PEX7: variants seen among roughly 807,000 people sequenced by gnomAD.
PEX7 encodes PTS2 receptor.
PEX7 carries 34 observed loss-of-function variants against 47.5 expected under a neutral mutation model. The observed-to-expected ratio is 0.72, with a 90% CI of 0.54 to 0.95. The LOEUF (loss-of-function observed/expected upper bound fraction) is 0.95, where lower values mean the gene tolerates loss of function less well. PEX7 is among the 40% of genes least tolerant of loss of function. PEX7 has a pLI of 0.00. For missense variants in PEX7, 394 were observed against 400.3 expected (o/e 0.98, Z 0.13); for synonymous variants, 141 against 148.8 (o/e 0.95, Z 0.38).
intron 5 of PEX7, among the ~76,000 whole-genome samples, chr6:136,846,430 G>C (rs1774602405): frequency 6.6e-6 from 1 of 151,946 alleles, no homozygotes; most frequent in Non-Finnish European, 1.5e-5. Context: ...TGCCATGTTG[G>C]TGTGCTGCAC....
intron 4 of PEX7, 92 bp downstream of exon 4, chr6:136,845,784 C>T (rs1774587237): frequency 2.4e-6 from 2 of 848,284 alleles, no homozygotes; most frequent in Non-Finnish European, 4.1e-6. Context: ...ACTTCTGTAG[C>T]TCTATGATTC....
intron 5 of PEX7, among the ~76,000 whole-genome samples, chr6:136,847,479 T>A (rs916522943): frequency 2.6e-5 from 4 of 151,952 alleles, no homozygotes; most frequent in African/African-American, 9.7e-5. Context: ...TGGTTTTAGG[T>A]CTAACATGTA....
At chr6:136,827,553 G>A (rs1260561518) in intron 3 of PEX7, among the ~76,000 whole-genome samples, 1 of 114,320 alleles carries the variant, frequency 8.7e-6, no homozygotes, top group East Asian at 3.0e-4. Context: ...TGTGTGTCAG[G>A]GTCTCACTCT....
intron 3 of PEX7, among the ~76,000 whole-genome samples, chr6:136,832,465 A>G (rs1033873053): frequency 1.3e-5 from 2 of 152,240 alleles, no homozygotes; most frequent in Non-Finnish European, 2.9e-5. Flanking sequence ...TGTTTTGGCT[A>G]TTAATATTTG....
At chr6:136,860,169 A>C (rs1774932949) in intron 5 of PEX7, among the ~76,000 whole-genome samples, 1 of 152,162 alleles carries the variant, frequency 6.6e-6, no homozygotes, top group African/African-American at 2.4e-5. Flanking sequence ...TAGAAAATTC[A>C]ATTGAAAAAA....
chr6:136,910,972 C>A (rs929356621), intron 9 of PEX7, among the ~76,000 whole-genome samples: 3 of 152,056 alleles, frequency 2.0e-5, no homozygotes, highest in Non-Finnish European at 2.9e-5. Flanking sequence ...GTTTAGTTAT[C>A]GCTAACATTA....
rs936671346 is a variant in PEX7 at position 136,893,295 on chromosome 6, C to G, written c.804-4847C>G. On this transcript the variant is annotated intron_variant, in intron 8 of 9. Coordinates refer to ENST00000318471, the MANE Select transcript of PEX7 (RefSeq NM_000288.4). The stretch of plus-strand genomic sequence containing the variant: ...ACGTCCTGGAACATTCTTCCCTTTC[C>G]CTGCGCCAGCCTCATGGGCCCTCTG... Among the ~76,000 whole-genome samples, 11 of 152,148 alleles carry G rather than the reference C, an allele frequency of 7.2e-5. No individual in the cohort carries two copies. The South Asian group carries it at 8.3e-4, about 11-fold the overall frequency.
intron 8 of PEX7, among the ~76,000 whole-genome samples, chr6:136,881,214 C>T (rs1775371180): frequency 6.6e-6 from 1 of 152,058 alleles, no homozygotes; most frequent in South Asian, 2.1e-4. Context: ...GAGCAGCCCA[C>T]CAGGAACAGG....
At chr6:136,833,736 C>T (rs1774335989) in intron 3 of PEX7, among the ~76,000 whole-genome samples, 2 of 152,148 alleles carry the variant, frequency 1.3e-5, no homozygotes, top group Admixed American at 1.3e-4. Flanking sequence ...ATCAATTCTC[C>T]CTTTTTGGAT....
At chr6:136,860,896 C>T (rs978066388) in intron 5 of PEX7, among the ~76,000 whole-genome samples, 9 of 152,298 alleles carry the variant, frequency 5.9e-5, no homozygotes, top group Non-Finnish European at 4.4e-5. Context: ...CTTCTCACCA[C>T]GTCCCACCCC....
intron 9 of PEX7, among the ~76,000 whole-genome samples, chr6:136,899,628 C>T (rs1775717773): frequency 1.3e-5 from 2 of 152,184 alleles, no homozygotes; most frequent in African/African-American, 4.8e-5. Context: ...GATCCACCCT[C>T]CTCGGCCTCC....
chr6:136,843,310 AG>A (rs1202444073), intron 3 of PEX7, among the ~76,000 whole-genome samples: 2 of 152,246 alleles, frequency 1.3e-5, no homozygotes, highest in African/African-American at 4.8e-5. Context: ...TCTGACACTC[AG>A]AGTGTTCAAT....
At chr6:136,904,716 C>A (rs992150067) in intron 9 of PEX7, among the ~76,000 whole-genome samples, 1 of 151,736 alleles carries the variant, frequency 6.6e-6, no homozygotes, top group African/African-American at 2.4e-5. Context: ...GTGAGGCCTC[C>A]CCAGCCATGT....
chr6:136,829,030 T>C (rs1774247484), intron 3 of PEX7, among the ~76,000 whole-genome samples: 2 of 152,244 alleles, frequency 1.3e-5, no homozygotes, highest in Non-Finnish European at 2.9e-5. Context: ...GGTAAGCGTT[T>C]GTATCAGGAT....
At chr6:136,860,735 A>C (rs897054940) in intron 5 of PEX7, among the ~76,000 whole-genome samples, 1 of 151,956 alleles carries the variant, frequency 6.6e-6, no homozygotes, top group South Asian at 2.1e-4. Context: ...TGTGTTTTTT[A>C]ATCTTTTATT....
In PEX7 at chr6:136,864,929, A is replaced by G. The variant is rs565762937; in HGVS notation, c.527-1698A>G. On this transcript the variant is annotated intron_variant, in intron 5 of 9. Transcript: ENST00000318471. ...CCCACCTGCTATCATGCCAGAAACTACATGCTTTTCATTACATGGAACTGG... is the reference window on the plus strand; with the variant it reads ...CCCACCTGCTATCATGCCAGAAACTGCATGCTTTTCATTACATGGAACTGG... Among the ~76,000 whole-genome samples the G allele has an allele frequency of 3.5e-4, 53 of 152,310 alleles. 1 individual carries two copies. The highest frequency in any genetic ancestry group is 1.3e-3 in the African/African-American group (52 of 41,564).
At chr6:136,866,758 G>T (rs772140809) in intron 6 of PEX7, 25 bp downstream of exon 6, 7 of 1,552,680 alleles carry the variant, frequency 4.5e-6, no homozygotes, top group Non-Finnish European at 6.2e-6. Context: ...TCTATCCTAT[G>T]CTGCTGTCCT....
At chr6:136,849,262 C>G (rs1235665355) in intron 5 of PEX7, among the ~76,000 whole-genome samples, 4 of 151,908 alleles carry the variant, frequency 2.6e-5, no homozygotes, top group Non-Finnish European at 4.4e-5. Flanking sequence ...ATTAGTCTTG[C>G]TAGTGGTCTA....
intron 8 of PEX7, among the ~76,000 whole-genome samples, chr6:136,880,397 C>T (rs1026110703): frequency 1.3e-5 from 2 of 152,110 alleles, no homozygotes; most frequent in African/African-American, 4.8e-5. Flanking sequence ...TATTTTCACT[C>T]ATAGGATGCA....
Sources: gnomAD v4.1 joint callset for allele counts (sites outside exome capture counted in the v4.1 genomes callset) on GRCh38, gnomAD v4.1.1 for gene constraint, MANE v1.5 for transcripts, NCBI Gene and HGNC (gene_info 2026-07-23, HGNC 2026-07-21) for gene names.